Variants in MREG observed in about 807,000 individuals in gnomAD.
MREG encodes dilute suppressor protein homolog.
In MREG, 31 loss-of-function variants were observed where a neutral mutation model predicts 28.5. The ratio of observed to expected loss-of-function variants is 1.09; its 90% CI spans 0.82 to 1.47. The LOEUF (loss-of-function observed/expected upper bound fraction) is 1.47, where lower values mean the gene tolerates loss of function less well. MREG is among the 40% of genes most tolerant of loss of function. MREG has a pLI of 0.00. For synonymous variants in MREG, 106 were observed against 95.2 expected (o/e 1.11, Z -0.66); for missense variants, 256 against 257.4 (o/e 0.99, Z 0.04).
At chr2:216,009,343 C>CA (rs200057661) in intron 1 of MREG, among the ~76,000 whole-genome samples, 10,378 of 145,634 alleles carry the variant, frequency 0.071, 398 homozygotes, top group East Asian at 0.11. Flanking sequence ...TACAAAAATG[C>CA]AAAAAAAAAA....
chr2:215,967,482 A>G (rs1428010329), intron 2 of MREG, among the ~76,000 whole-genome samples: 2 of 152,236 alleles, frequency 1.3e-5, no homozygotes, highest in East Asian at 3.8e-4. Context: ...AATGTTTTAT[A>G]CCCATAAATG....
intron 2 of MREG, among the ~76,000 whole-genome samples, chr2:215,949,651 G>T (rs1692435365): frequency 1.3e-5 from 2 of 151,640 alleles, no homozygotes. Flanking sequence ...TATGCAATTT[G>T]TGAGGACCTC....
intron 4 of MREG, 115 bp downstream of exon 4, chr2:215,945,456 G>T: frequency 8.0e-7 from 1 of 1,252,368 alleles, no homozygotes; most frequent in Non-Finnish European, 1.1e-6. Flanking sequence ...GCCAGCATCT[G>T]CCACCTCATA....
chr2:216,017,996 CAAAAAAA>C (rs35615805), upstream of MREG, among the ~76,000 whole-genome samples: 6 of 127,398 alleles, frequency 4.7e-5, no homozygotes, highest in Middle Eastern at 7.4e-3. Flanking sequence ...ACTAAAAATA[CAAAAAAA>C]AAAAAAAAAA....
At chr2:215,991,943 T>A (rs1693731740) in intron 2 of MREG, among the ~76,000 whole-genome samples, 1 of 152,122 alleles carries the variant, frequency 6.6e-6, no homozygotes, top group Non-Finnish European at 1.5e-5. Flanking sequence ...CCAGACGGAT[T>A]CACAGCCAAA....
At chr2:215,962,578 G>A (rs1307245243) in intron 2 of MREG, among the ~76,000 whole-genome samples, 2 of 152,144 alleles carry the variant, frequency 1.3e-5, no homozygotes, top group African/African-American at 4.8e-5. Context: ...TTTCTAACAA[G>A]GCAGAAATAG....
chr2:215,945,777 T>G, intron 3 of MREG, 43 bp from the exon 4 acceptor site: 3 of 1,560,614 alleles, frequency 1.9e-6, no homozygotes, highest in Non-Finnish European at 2.6e-6. Flanking sequence ...TAGTCCCAAG[T>G]TAACAAGTGT....
chr2:215,979,201 C>T (rs35881407), intron 2 of MREG, among the ~76,000 whole-genome samples: 42,445 of 151,762 alleles, frequency 0.28, 6,061 homozygotes, highest in South Asian at 0.33. Context: ...CGGTGGCTCA[C>T]GCCTGTAATC....
chr2:215,988,535 C>A (rs192783171), intron 2 of MREG, among the ~76,000 whole-genome samples: 2 of 152,120 alleles, frequency 1.3e-5, no homozygotes, highest in African/African-American at 2.4e-5. Flanking sequence ...GGAACACCAG[C>A]GACACAGAAT....
chr2:215,953,802 T>C (rs1254120471), intron 2 of MREG, among the ~76,000 whole-genome samples: 2 of 152,326 alleles, frequency 1.3e-5, no homozygotes, highest in Non-Finnish European at 2.9e-5. Flanking sequence ...GGCCCTTGCA[T>C]TGGAAACACT....
chr2:215,956,024 T>C (rs1454428900), intron 2 of MREG, among the ~76,000 whole-genome samples: 1 of 152,110 alleles, frequency 6.6e-6, no homozygotes, highest in Non-Finnish European at 1.5e-5. Flanking sequence ...GTAGAAAGGA[T>C]TACTAGTACA....
intron 2 of MREG, among the ~76,000 whole-genome samples, chr2:215,990,700 T>C (rs1422257305): frequency 1.3e-5 from 2 of 152,106 alleles, no homozygotes; most frequent in South Asian, 4.2e-4. Context: ...GTTGGAGGAA[T>C]ATTTACCAAG....
At chr2:216,012,382 A>G (rs1694337313) in intron 1 of MREG, among the ~76,000 whole-genome samples, 1 of 152,216 alleles carries the variant, frequency 6.6e-6, no homozygotes, top group Non-Finnish European at 1.5e-5. Context: ...TTCCTTAGAA[A>G]AAGTTGTGCA....
chr2:215,987,066 G>A (rs558316584), intron 2 of MREG, among the ~76,000 whole-genome samples: 1 of 152,310 alleles, frequency 6.6e-6, no homozygotes, highest in East Asian at 1.9e-4. Context: ...ATAAGTGATG[G>A]TGAATCCGTG....
intron 2 of MREG, among the ~76,000 whole-genome samples, chr2:215,973,422 G>C (rs1288396309): frequency 2.0e-5 from 3 of 152,160 alleles, no homozygotes; most frequent in African/African-American, 7.2e-5. Flanking sequence ...GACTGCCGAG[G>C]CCGGATTCAA....
chr2:215,986,395 T>C (rs923459829), intron 2 of MREG, among the ~76,000 whole-genome samples: 3 of 152,154 alleles, frequency 2.0e-5, no homozygotes, highest in Admixed American at 6.5e-5. Flanking sequence ...TTAAAAGCAG[T>C]ATGAGTTTCC....
intron 2 of MREG, among the ~76,000 whole-genome samples, chr2:215,974,034 C>T (rs1240325616): frequency 6.6e-6 from 1 of 152,210 alleles, no homozygotes; most frequent in African/African-American, 2.4e-5. Context: ...ACAACAAAGA[C>T]AACAGCATAT....
intron 1 of MREG, among the ~76,000 whole-genome samples, chr2:216,021,581 CCT>C (rs138911779): frequency 6.6e-6 from 1 of 152,274 alleles, no homozygotes; most frequent in African/African-American, 2.4e-5. Flanking sequence ...CCCTCACTCC[CCT>C]CTCACCCTAG....
Position 216,013,427 on chromosome 2 carries a change from G to C in MREG, c.-100C>G, listed in dbSNP as rs891076055. On this transcript the variant is annotated 5_prime_UTR_variant, in exon 1 of 5. Transcript: ENST00000263268. ...GGCCACCGCGCCAGCGTCCAGGTGC[G>C]GGGACAGCGGCAGCCCGGGCGTCGC... 2 of 776,698 alleles carry C rather than the reference G, an allele frequency of 2.6e-6. No individual in the cohort carries two copies. Among genetic ancestry groups the C allele is most frequent in the South Asian group, 5.3e-5 (1 of 18,832 alleles). The allele number at this position is 776,698 out of a possible 1,614,324, so 48.1% of individuals were successfully genotyped here.
Sources: gnomAD v4.1 joint callset for allele counts (sites outside exome capture counted in the v4.1 genomes callset) on GRCh38, gnomAD v4.1.1 for gene constraint, MANE v1.5 for transcripts, NCBI Gene and HGNC (gene_info 2026-07-23, HGNC 2026-07-21) for gene names.